Variants in KLHL13 observed in about 807,000 individuals in gnomAD.
KLHL13 encodes the protein kelch-like protein 13.
A neutral mutation model predicts 37.1 loss-of-function variants in KLHL13; 10 were observed. The ratio of observed to expected loss-of-function variants is 0.27; its 90% confidence interval spans 0.17 to 0.46. The LOEUF (loss-of-function observed/expected upper bound fraction) is 0.46, where lower values mean the gene tolerates loss of function less well. Among genes scored for constraint, KLHL13 ranks in the 20% least tolerant of loss-of-function variants. The probability of loss-of-function intolerance (pLI) is 1.00; values close to 1 mark genes in which losing one functional copy is unlikely to be tolerated. For missense variants in KLHL13, 360 were observed against 509.3 expected, an observed-to-expected ratio of 0.71 and a Z score of 2.82; for synonymous variants, 163 against 181.2, an observed-to-expected ratio of 0.90 and a Z score of 0.81.
chrX:118,036,753 T>G (rs776662497), intron 1 of KLHL13, among the ~76,000 whole-genome samples: 94 of 110,727 alleles, frequency 8.5e-4, no homozygotes, highest in South Asian at 6.4e-3. Flanking sequence ...GGGATCTAAT[T>G]CAACTAAAGA....
intron 1 of KLHL13, among the ~76,000 whole-genome samples, chrX:117,958,861 A>C (rs189001048): frequency 1.8e-5 from 2 of 111,918 alleles, no homozygotes; most frequent in East Asian, 5.6e-4. Flanking sequence ...TCTCTAATCC[A>C]TAAGGGTATC....
At chrX:118,041,727 A>G (rs759049701) in intron 1 of KLHL13, among the ~76,000 whole-genome samples, 1 of 111,735 alleles carries the variant, frequency 8.9e-6, no homozygotes, top group Non-Finnish European at 1.9e-5. Flanking sequence ...ATCAAAAAAC[A>G]TATATCAGAT....
intron 1 of KLHL13, among the ~76,000 whole-genome samples, chrX:118,000,487 T>C (rs1370353644): frequency 8.9e-6 from 1 of 112,349 alleles, no homozygotes; most frequent in Non-Finnish European, 1.9e-5. Flanking sequence ...ACAGTAATGT[T>C]ATACTCACTT....
At chrX:118,090,800 G>C (rs1342176732) in intron 1 of KLHL13, among the ~76,000 whole-genome samples, 1 of 109,645 alleles carries the variant, frequency 9.1e-6, no homozygotes, top group African/African-American at 3.3e-5. Flanking sequence ...AGGATTATAA[G>C]TCATGCTGCT....
chrX:118,037,961 A>T (rs137969942), intron 1 of KLHL13, among the ~76,000 whole-genome samples: 141 of 111,897 alleles, frequency 1.3e-3, no homozygotes, highest in Non-Finnish European at 2.5e-3. Flanking sequence ...ATCACAAACA[A>T]AATCACAAAA....
At chrX:118,091,133 T>TGGGGGGA (rs1379612571) in intron 1 of KLHL13, among the ~76,000 whole-genome samples, 1 of 41,347 alleles carries the variant, frequency 2.4e-5, no homozygotes, top group African/African-American at 1.1e-4. Flanking sequence ...TGTTGTGGGG[T>TGGGGGGA]GGGGGGAGGG....
chrX:117,920,582 C>T (rs1255627988), intron 2 of KLHL13, among the ~76,000 whole-genome samples: 1 of 112,050 alleles, frequency 8.9e-6, no homozygotes, highest in African/African-American at 3.2e-5. Flanking sequence ...AAAATTAAGA[C>T]TAATTTAGGT....
intron 1 of KLHL13, among the ~76,000 whole-genome samples, chrX:118,112,054 A>G (rs2055417540): frequency 8.9e-6 from 1 of 111,956 alleles, no homozygotes; most frequent in Admixed American, 9.5e-5. Context: ...GTGTCTCACA[A>G]CTATTAAGTC....
chrX:118,029,041 T>C (rs770780661), intron 1 of KLHL13, among the ~76,000 whole-genome samples: 1 of 111,298 alleles, frequency 9.0e-6, no homozygotes, highest in East Asian at 2.8e-4. Context: ...ATAGTATATA[T>C]AGGGTTCGGT....
rs781108838 is a variant in KLHL13 at position 117,922,501 on chromosome X, C to A, written c.241-2131G>T. Among the ~76,000 whole-genome samples the A allele has an allele frequency of 7.1e-5, 8 of 112,013 alleles. No homozygotes were observed. In the East Asian group the frequency reaches 2.2e-3, roughly 31 times the overall value. ...TTTACTCAGAAGCTACCACTGGTAACTTTAAAGCCATGTAGTCACATTGGG... is the reference window on the plus strand; with the variant it reads ...TTTACTCAGAAGCTACCACTGGTAAATTTAAAGCCATGTAGTCACATTGGG... On this transcript the variant is annotated intron_variant, in intron 2 of 6. Coordinates refer to ENST00000262820, the Ensembl canonical transcript of KLHL13.
At chrX:118,050,884 G>A (rs2054606173) in intron 1 of KLHL13, among the ~76,000 whole-genome samples, 1 of 112,230 alleles carries the variant, frequency 8.9e-6, no homozygotes, top group Admixed American at 9.4e-5. Flanking sequence ...GACATGTGAA[G>A]CACAAATTGC....
upstream of KLHL13, among the ~76,000 whole-genome samples, chrX:117,974,246 A>G (rs1202806561): frequency 1.8e-5 from 2 of 111,880 alleles, no homozygotes; most frequent in African/African-American, 6.5e-5. Context: ...GCAATTCACA[A>G]TCATAGTACC....
At chrX:118,015,454 T>C (rs906729787) in intron 1 of KLHL13, among the ~76,000 whole-genome samples, 4 of 110,978 alleles carry the variant, frequency 3.6e-5, no homozygotes, top group African/African-American at 1.3e-4. Flanking sequence ...CAGAAAAAAT[T>C]GAGACTCGAG....
rs1385669937 is a variant in KLHL13, at chrX:117,963,516, C to T, written c.98+9215G>A. On this transcript the variant is annotated intron_variant, in intron 1 of 6. Coordinates refer to ENST00000262820, the Ensembl canonical transcript of KLHL13. The stretch of plus-strand genomic sequence containing the variant: ...AAGTCTTTGCTATTGTGAATAGTGC[C>T]GCAATAAACATACGTGTGCATGTGT... Among the ~76,000 whole-genome samples, 11 of 109,521 alleles carry T rather than the reference C, an allele frequency of 1.0e-4. No individual in the cohort carries two copies. In the South Asian group the frequency reaches 1.2e-3, roughly 12 times the overall value.
At chrX:118,085,158 A>G (rs2497849) in intron 1 of KLHL13, among the ~76,000 whole-genome samples, 4,160 of 111,592 alleles carry the variant, frequency 0.037, 217 homozygotes, top group African/African-American at 0.13. Flanking sequence ...ATGAATAAAC[A>G]TAAGTAGTAG....
intron 1 of KLHL13, among the ~76,000 whole-genome samples, chrX:118,112,734 T>C (rs1472271376): frequency 8.9e-6 from 1 of 112,007 alleles, no homozygotes; most frequent in Admixed American, 9.5e-5. Context: ...CTATGGAATG[T>C]CAATAATCAT....
intron 1 of KLHL13, among the ~76,000 whole-genome samples, chrX:117,968,736 T>C (rs192784305): frequency 6.3e-5 from 7 of 111,840 alleles, no homozygotes; most frequent in Non-Finnish European, 1.1e-4. Context: ...TTAATAAGTA[T>C]TTTGCTAGAT....
intron 1 of KLHL13, among the ~76,000 whole-genome samples, chrX:118,070,801 A>C (rs2054851817): frequency 1.8e-5 from 2 of 109,296 alleles, no homozygotes; most frequent in East Asian, 5.7e-4. Context: ...ACATGTGCAC[A>C]ATGTGCAGGT....
chrX:117,969,490 C>A (rs1569429341), intron 1 of KLHL13, among the ~76,000 whole-genome samples: 3 of 111,495 alleles, frequency 2.7e-5, no homozygotes, highest in African/African-American at 9.8e-5. Context: ...TTTACTAATG[C>A]AGTTTACACT....
Sources: allele counts gnomAD v4.1 joint callset (sites outside exome capture counted in the v4.1 genomes callset), GRCh38; gene constraint gnomAD v4.1.1; transcripts MANE v1.5; gene names NCBI Gene and HGNC (gene_info 2026-07-23, HGNC 2026-07-21).